SPTBN5: variants seen among roughly 807,000 people sequenced by gnomAD.
SPTBN5 encodes spectrin beta, non-erythrocytic 5.
SPTBN5 carries 513 observed loss-of-function variants against 477.6 expected under a neutral mutation model. The ratio of observed to expected loss-of-function variants is 1.07; its 90% CI spans 1.00 to 1.16. SPTBN5 has a LOEUF of 1.16. SPTBN5 is among the 50% of genes most tolerant of loss of function. The pLI is 0.00. For synonymous variants in SPTBN5, 2,169 were observed against 2,011.7 expected, an observed-to-expected ratio of 1.08 and a Z score of -2.09; for missense variants, 5,062 against 4,731.8, an observed-to-expected ratio of 1.07 and a Z score of -2.05.
In SPTBN5 at chr15:41,879,553, C is replaced by T. The variant is rs567581782; in HGVS notation, c.2943-54G>A. 75 of 1,518,040 alleles carry T rather than the reference C, an allele frequency of 4.9e-5. No homozygotes were observed. In the East Asian group the frequency reaches 1.2e-3, roughly 25 times the overall value. 94.0% of individuals were successfully genotyped at this position (1,518,040 alleles called of 1,614,324 possible). ...CAACAGGGACACCTCCCCATCCATC[C>T]GGGAGCCTTGGCCAGAGCCTCACGT... On this transcript the variant is annotated intron_variant, in intron 15 of 67. Coordinates refer to ENST00000320955, the MANE Select transcript of SPTBN5 (RefSeq NM_016642.4).
At position 41,874,955 on chromosome 15, in the gene SPTBN5, C is replaced by T; in HGVS notation, c.4389G>A (p.Gln1463=). 1 of 1,613,702 alleles carries T rather than the reference C, an allele frequency of 6.2e-7. No homozygotes were observed. The change falls in exon 23 of 68, where the codon CAG becomes CAA. Residue 1463 remains glutamine (Q), a synonymous_variant. Coordinates refer to ENST00000320955, the MANE Select transcript of SPTBN5 (RefSeq NM_016642.4). ...CCAGGGTCCGGCTCTCACTCTCCAGCTGTTGGTGCCGTTTCTGCAGCCTCT... is the reference window on the plus strand; with the variant it reads ...CCAGGGTCCGGCTCTCACTCTCCAGTTGTTGGTGCCGTTTCTGCAGCCTCT... ...SSQRLQKRHQ[Q]LESESRTLAA...
chr15:41,853,501 G>C, intron 58 of SPTBN5, 54 bp from the exon 59 acceptor site: 1 of 1,539,086 alleles, frequency 6.5e-7, no homozygotes, highest in South Asian at 1.2e-5. Flanking sequence ...GCAGGGGAGG[G>C]AGGGTCCAGC....
Position 41,882,608 on chromosome 15 carries a change from C to A in SPTBN5, c.2023G>T (p.Ala675Ser), listed in dbSNP as rs540027543. Reference protein sequence around the residue: ...AALGRDLSQIAGALQKHKALE... With the variant: ...AALGRDLSQISGALQKHKALE... ...ACCTTGTGTTTCTGCAGGGCGCCTGCGATCTGGCTGAGATCCCGGCCCAGG... is the reference window on the plus strand; with the variant it reads ...ACCTTGTGTTTCTGCAGGGCGCCTGAGATCTGGCTGAGATCCCGGCCCAGG... Residue 675 changes from alanine (A) to serine (S), a missense_variant, in exon 10 of 68, where the codon GCA (alanine) becomes TCA (serine). Transcript: ENST00000320955. The A allele has an allele frequency of 1.1e-5, 18 of 1,604,402 alleles. No homozygotes were observed. In the African/African-American group the frequency reaches 1.9e-4, roughly 17 times the overall value.
At chr15:41,867,962 T>C (rs567958060) in intron 34 of SPTBN5, 107 bp downstream of exon 34, 15 of 1,383,442 alleles carry the variant, frequency 1.1e-5, no homozygotes, top group African/African-American at 1.4e-5. Flanking sequence ...AGCTGCCTCA[T>C]ATTAGAGAAA....
intron 32 of SPTBN5, 141 bp from the exon 33 acceptor site, chr15:41,868,742 T>A: frequency 1.4e-6 from 1 of 712,130 alleles, no homozygotes; most frequent in East Asian, 2.7e-5. Flanking sequence ...GTGAGGCACA[T>A]GTGGCCCTTT....
chr15:41,856,642 G>C (rs1272558779), intron 52 of SPTBN5, 44 bp from the exon 53 acceptor site: 5 of 1,505,674 alleles, frequency 3.3e-6, no homozygotes, highest in South Asian at 1.2e-5. Flanking sequence ...GCTGACCCTT[G>C]GGGGACTCCC....
chr15:41,850,125 G>A (rs1595434383), intron 66 of SPTBN5, 166 bp from the exon 67 acceptor site: 2 of 626,350 alleles, frequency 3.2e-6, no homozygotes, highest in East Asian at 5.5e-5. Flanking sequence ...AGCACTTGTG[G>A]GCAGGTTTTT....
chr15:41,874,805 G>A (rs1044079157), intron 23 of SPTBN5, 37 bp downstream of exon 23: 2 of 1,572,710 alleles, frequency 1.3e-6, no homozygotes, highest in Non-Finnish European at 1.7e-6. Context: ...TTCACATGGA[G>A]GAGTGACACA....
chr15:41,886,565 T>G (rs1031781810), intron 6 of SPTBN5, among the ~76,000 whole-genome samples, 199 bp from the exon 7 acceptor site: 9 of 152,188 alleles, frequency 5.9e-5, no homozygotes, highest in African/African-American at 1.9e-4. Flanking sequence ...GGGGACCCTC[T>G]CCATGACTGA....
Position 41,880,232 on chromosome 15 carries a change from C to T in SPTBN5, c.2739G>A (p.Glu913=). Residue 913 remains glutamate, a synonymous_variant, in exon 14 of 68, where the codon GAG becomes GAA. Coordinates refer to ENST00000320955, the MANE Select transcript of SPTBN5 (RefSeq NM_016642.4). ...SSCGELQLWL[E]KQTVLLQRVQ... is the part of the protein sequence containing the mutation. ...CCCTTTGGAGCAGCACTGTCTGCTT[C>T]TCCAGCCACAACTGGAGCTCCCCAC... 1 of 1,603,906 alleles carries T rather than the reference C, an allele frequency of 6.2e-7. No individual in the cohort carries two copies. The highest frequency in any genetic ancestry group is 8.5e-7 in the Non-Finnish European group (1 of 1,176,046).
Position 41,879,411 on chromosome 15 carries a change from G to T in SPTBN5, c.3031C>A (p.Pro1011Thr). Residue 1011 changes from proline to threonine, a missense_variant, in exon 16 of 68, where the codon CCC (proline) becomes ACC (threonine). Pro to Thr is a conservative substitution (Grantham distance 38). Transcript: ENST00000320955. The part of the protein sequence containing the change: ...EVCSFLQECG[P>T]TQVQLRDVLL... ...ACGTCTCGCAGCTGGACCTGTGTGGGTCCACACTCCTGCAGAAAACTGCAC... is the reference window on the plus strand; with the variant it reads ...ACGTCTCGCAGCTGGACCTGTGTGGTTCCACACTCCTGCAGAAAACTGCAC... 1 of 1,610,600 alleles carries T rather than the reference G, an allele frequency of 6.2e-7. No individual in the cohort carries two copies. Among genetic ancestry groups the T allele is most frequent in the Non-Finnish European group, 8.5e-7 (1 of 1,179,678 alleles).
Position 41,871,451 on chromosome 15 carries a change from G to C in SPTBN5, c.5371C>G (p.Arg1791Gly). The C allele has an allele frequency of 6.5e-7, 1 of 1,540,002 alleles. No individual in the cohort carries two copies. The highest frequency in any genetic ancestry group is 8.8e-7 in the Non-Finnish European group (1 of 1,141,690). Reference protein sequence around the residue: ...EMGSQRVAACRLLAESLLERG... With the variant: ...EMGSQRVAACGLLAESLLERG... ...TCTAGCAGGCTCTCCGCCAGCAGCC[G>C]GCAGGCGGCCACCCGCTGGCTGCCC... Residue 1791 changes from arginine (R) to glycine (G), a missense_variant, in exon 29 of 68, where the codon CGG (arginine) becomes GGG (glycine). Transcript: ENST00000320955.
In SPTBN5 at chr15:41,882,298, G is replaced by A. The variant is rs933686644; in HGVS notation, c.2218C>T (p.Arg740Trp). ...AGGACCAGCAGGGCTGTCTGCAGCCGTGCGCCCCGCCCCACCACCCGGGTC... is the reference window on the plus strand; with the variant it reads ...AGGACCAGCAGGGCTGTCTGCAGCCATGCGCCCCGCCCCACCACCCGGGTC... ...LQTRVVGRGA[R>W]LQTALLVLQY... The change falls in exon 11 of 68, where the codon CGG becomes TGG. Residue 740 changes from arginine to tryptophan, a missense_variant. Transcript: ENST00000320955. 2.3e-6 allele frequency: 3 copies of A among 1,329,018 alleles called. No homozygotes were observed. Among genetic ancestry groups the A allele is most frequent in the South Asian group, 1.2e-5 (1 of 80,462 alleles). 82.3% of individuals were successfully genotyped at this position (1,329,018 alleles called of 1,614,324 possible).
In SPTBN5 at chr15:41,856,848, C is replaced by T; in HGVS notation, c.8808+5G>A. On this transcript the variant is annotated splice_donor_5th_base_variant and intron_variant, in intron 52 of 67. Coordinates refer to ENST00000320955, the MANE Select transcript of SPTBN5 (RefSeq NM_016642.4). ...GAGGCCAGCCCTCCCCGGGTGGGCC[C>T]ACACCTGGTGCTGCTCCTGCAGGTG... 1 of 1,542,630 alleles carries T rather than the reference C, an allele frequency of 6.5e-7. No individual in the cohort carries two copies.
At position 41,858,915 on chromosome 15, in the gene SPTBN5, T is replaced by C. The variant is rs777325471; in HGVS notation, c.8054A>G (p.Gln2685Arg). The C allele has an allele frequency of 6.3e-7, 1 of 1,594,872 alleles. No individual in the cohort carries two copies. Among genetic ancestry groups the C allele is most frequent in the Admixed American group, 1.7e-5 (1 of 58,362 alleles). The part of the protein sequence containing the change: ...RHRLEELRQL[Q>R]AFLQDSQEVA... ...CTCCTGGGAGTCCTGCAGGAAGGCC[T>C]GCAGCTGCCGGAGCTCCTCCAGGCG... Residue 2685 changes from glutamine to arginine, a missense_variant, in exon 48 of 68, where the codon CAG (glutamine) becomes CGG (arginine). By Grantham distance (43) the Gln-to-Arg change is conservative. Coordinates refer to ENST00000320955, the MANE Select transcript of SPTBN5 (RefSeq NM_016642.4).
rs531720902 is a variant in SPTBN5, at chr15:41,887,298, C to T, written c.803G>A (p.Arg268His). Residue 268 changes from arginine (R) to histidine (H), a missense_variant, in exon 6 of 68, where the codon CGC (arginine) becomes CAC (histidine). Arg to His is a conservative substitution (Grantham distance 29, BLOSUM62 0). Transcript: ENST00000320955. ...EDVAAAQPDERSIMTYVSLYY... is the reference protein window; with the variant it reads ...EDVAAAQPDEHSIMTYVSLYY... ...GAGGGAGACGTAGGTCATGATAGAG[C>T]GCTCATCTGGCTGTGCGGCTGCCAC... 1.4e-5 allele frequency: 21 copies of T among 1,551,094 alleles called. No individual in the cohort carries two copies. The highest frequency in any genetic ancestry group is 2.0e-5 in the Admixed American group (1 of 50,986).
rs1287572499 is a variant in SPTBN5, at chr15:41,867,660, T to G, written c.6208-18A>C. 3.1e-6 allele frequency: 5 copies of G among 1,609,604 alleles called. No homozygotes were observed. The highest frequency in any genetic ancestry group is 4.2e-6 in the Non-Finnish European group (5 of 1,177,380). On this transcript the variant is annotated intron_variant, in intron 34 of 67. Coordinates refer to ENST00000320955, the MANE Select transcript of SPTBN5 (RefSeq NM_016642.4). ...AGGGAGACCTGGATCCACAGAAAAG[T>G]CAGAGGCCACCAAGCCTTCCAGCCA... is the stretch of plus-strand genomic sequence containing the variant.
At chr15:41,877,438 G>C in intron 17 of SPTBN5, 82 bp from the exon 18 acceptor site, 2 of 1,506,928 alleles carry the variant, frequency 1.3e-6, no homozygotes, top group Admixed American at 2.0e-5. Context: ...CAGGGTTCAC[G>C]CATCTTGGAT....
At chr15:41,892,431 G>A (rs1437629981) in intron 3 of SPTBN5, among the ~76,000 whole-genome samples, 1 of 151,976 alleles carries the variant, frequency 6.6e-6, no homozygotes, top group Non-Finnish European at 1.5e-5. Flanking sequence ...CCCATTTGCT[G>A]AGGCCTCCTC....
Sources: allele counts gnomAD v4.1 joint callset (sites outside exome capture counted in the v4.1 genomes callset), GRCh38; gene constraint gnomAD v4.1.1; transcripts MANE v1.5; gene names NCBI Gene and HGNC (gene_info 2026-07-23, HGNC 2026-07-21).